The following ANXA4 variants were observed in gnomAD, a reference collection of about 807,000 sequenced individuals.
The protein encoded by ANXA4 is 35-beta calcimedin.
ANXA4 carries 39 observed loss-of-function variants against 49.8 expected under a neutral mutation model. The ratio of observed to expected loss-of-function variants is 0.78; its 90% CI spans 0.61 to 1.02. The LOEUF is 1.02. Ranked by LOEUF, ANXA4 falls within the 50% of genes least tolerant of loss-of-function variation. The pLI is 0.00. For missense variants in ANXA4, 360 were observed against 410.1 expected, an observed-to-expected ratio of 0.88 and a Z score of 1.05; for synonymous variants, 134 against 152.5, an observed-to-expected ratio of 0.88 and a Z score of 0.89.
At chr2:69,665,514 C>T (rs1676901683) in intron 2 of ANXA4, among the ~76,000 whole-genome samples, 2 of 152,130 alleles carry the variant, frequency 1.3e-5, no homozygotes, top group East Asian at 1.9e-4. Flanking sequence ...GAGTGAGACT[C>T]CACCCCAGAA....
At chr2:69,804,738 T>C (rs1405726400) in intron 4 of ANXA4, 111 bp downstream of exon 4, 2 of 946,340 alleles carry the variant, frequency 2.1e-6, no homozygotes, top group East Asian at 5.4e-5. Context: ...AGATCGATCC[T>C]TTGTCTTGTT....
Position 69,761,016 on chromosome 2 carries a change from T to A in ANXA4, c.-47+18841T>A, listed in dbSNP as rs1469129585. Among the ~76,000 whole-genome samples the A allele has an allele frequency of 9.4e-4, 142 of 150,596 alleles. 2 individuals carry two copies. The East Asian group carries it at 0.011, about 12-fold the overall frequency. On this transcript the variant is annotated intron_variant, in intron 1 of 12. Coordinates refer to ENST00000394295, the MANE Select transcript of ANXA4 (RefSeq NM_001153.5). ...GTCTCTATTAAATTAATTAATTAAT[T>A]AATTAATTAAAAAATAAATAAATAT... is the stretch of plus-strand genomic sequence containing the variant.
rs548189386 is a variant in ANXA4, at chr2:69,690,738, A to T, written n.767-30036A>T. Among the ~76,000 whole-genome samples the T allele has an allele frequency of 9.2e-5, 14 of 152,342 alleles. No individual in the cohort carries two copies. The South Asian group carries it at 2.9e-3, about 32-fold the overall frequency. On this transcript the variant is annotated intron_variant and non_coding_transcript_variant, in intron 2 of 3. Coordinates refer to the ANXA4 transcript ENST00000418066. ...ACAATGCATGCTGAGGAGTTCATTT[A>T]AAGGTAATTTCTGCAAAACCTTTAC... is the stretch of plus-strand genomic sequence containing the variant.
intron 3 of ANXA4, among the ~76,000 whole-genome samples, chr2:69,727,384 T>C (rs147289663): frequency 2.8e-4 from 43 of 152,330 alleles, no homozygotes; most frequent in African/African-American, 1.0e-3. Flanking sequence ...GTGTATAGAG[T>C]AGCAGTTGCT....
At chr2:69,652,688 GTC>G (rs1676296426) in intron 1 of ANXA4, among the ~76,000 whole-genome samples, 1 of 151,916 alleles carries the variant, frequency 6.6e-6, no homozygotes, top group Non-Finnish European at 1.5e-5. Flanking sequence ...GCGAAAACCC[GTC>G]TCTACTAAAA....
chr2:69,663,051 C>T (rs1318505300), intron 2 of ANXA4, among the ~76,000 whole-genome samples: 5 of 133,294 alleles, frequency 3.8e-5, no homozygotes, highest in South Asian at 2.4e-4. Flanking sequence ...GGAGTGCAGT[C>T]GCATGATCTC....
intron 2 of ANXA4, among the ~76,000 whole-genome samples, chr2:69,669,581 A>G (rs1307862485): frequency 1.3e-5 from 2 of 151,826 alleles, no homozygotes; most frequent in Non-Finnish European, 2.9e-5. Flanking sequence ...ACTGCACTCT[A>G]GCCTGGGCGA....
intron 2 of ANXA4, among the ~76,000 whole-genome samples, chr2:69,654,084 T>C (rs866556045): frequency 8.5e-5 from 13 of 152,200 alleles, no homozygotes; most frequent in Admixed American, 3.9e-4. Flanking sequence ...GGCTCTCTGT[T>C]TGTCTATTAT....
At chr2:69,821,094 C>T (rs762525232) in intron 12 of ANXA4, among the ~76,000 whole-genome samples, 3 of 152,218 alleles carry the variant, frequency 2.0e-5, no homozygotes, top group Non-Finnish European at 2.9e-5. Flanking sequence ...ACACAATTTC[C>T]TCGTCTACCT....
upstream of ANXA4, among the ~76,000 whole-genome samples, chr2:69,740,184 C>T (rs1222306982): frequency 1.3e-5 from 2 of 152,070 alleles, no homozygotes; most frequent in Non-Finnish European, 2.9e-5. Context: ...TTATTTTTTT[C>T]ATGTAGCTTA....
chr2:69,712,059 T>C (rs994371896), intron 2 of ANXA4, among the ~76,000 whole-genome samples: 1 of 152,112 alleles, frequency 6.6e-6, no homozygotes, highest in Non-Finnish European at 1.5e-5. Context: ...TGGTCTCTCC[T>C]TTTCCTGGGG....
intron 2 of ANXA4, among the ~76,000 whole-genome samples, chr2:69,719,891 G>A (rs1248518203): frequency 6.6e-6 from 1 of 152,202 alleles, no homozygotes; most frequent in East Asian, 1.9e-4. Context: ...CTCCCAAAGT[G>A]CTAGGATTAC....
intron 11 of ANXA4, among the ~76,000 whole-genome samples, chr2:69,820,179 G>T (rs1426790495): frequency 6.6e-6 from 1 of 150,528 alleles, no homozygotes; most frequent in East Asian, 1.9e-4. Context: ...ATTATAACAA[G>T]ACAGAATGTA....
intron 2 of ANXA4, among the ~76,000 whole-genome samples, chr2:69,702,824 T>C (rs1678374935): frequency 6.6e-6 from 1 of 152,222 alleles, no homozygotes; most frequent in African/African-American, 2.4e-5. Flanking sequence ...TATAAAACTA[T>C]AATCATATGT....
At chr2:69,780,266 C>T (rs535554087) in intron 1 of ANXA4, among the ~76,000 whole-genome samples, 1 of 152,300 alleles carries the variant, frequency 6.6e-6, no homozygotes, top group East Asian at 1.9e-4. Flanking sequence ...ATGATCTTGG[C>T]TCGCTGCAAC....
chr2:69,713,845 G>C lies in ANXA4; in HGVS notation n.767-6929G>C, dbSNP rs533470618. ...CCTTTCACAAAAAGAAAGAATGGGG[G>C]AAAAACGGTTATGCCTCAGCAGCTT... On this transcript the variant is annotated intron_variant and non_coding_transcript_variant, in intron 2 of 3. Coordinates refer to the ANXA4 transcript ENST00000418066. 3.3e-5 allele frequency: 5 copies of C among 152,348 alleles called. No homozygotes were observed. In the South Asian group the frequency reaches 1.0e-3, roughly 32 times the overall value. The allele number at this position is 152,348 out of a possible 1,614,324, so 9.4% of individuals were successfully genotyped here. A position where few individuals can be genotyped will look rare whatever the true frequency, so the allele number is the denominator to read the frequency against.
Position 69,807,964 on chromosome 2 carries a change from A to C in ANXA4, c.365A>C (p.Glu122Ala). 6.2e-7 allele frequency: 1 copy of C among 1,614,164 alleles called. No homozygotes were observed. The highest frequency in any genetic ancestry group is 8.5e-7 in the Non-Finnish European group (1 of 1,180,006). ...IEILASRTPE[E>A]IRRISQTYQQ... ...ATCCTGGCCTCCCGGACCCCTGAGG[A>C]GATCCGGCGCATAAGCCAAACCTAC... is the stretch of plus-strand genomic sequence containing the variant. The change falls in exon 6 of 13, where the codon GAG (glutamate) becomes GCG (alanine). Residue 122 changes from glutamate (E) to alanine (A), a missense_variant. Coordinates refer to ENST00000394295, the MANE Select transcript of ANXA4 (RefSeq NM_001153.5).
At position 69,805,046 on chromosome 2, in the gene ANXA4, C is replaced by CAAAAAAAAAA. The variant is rs60172949; in HGVS notation, c.192+436_192+445dup. The stretch of plus-strand genomic sequence containing the variant: ...TGGGCAACAGAGACAGACTCCATCT[C>CAAAAAAAAAA]AAAAAAAAAAAAAAAAAAAAAAAAA... On this transcript the variant is annotated intron_variant, in intron 4 of 12. Coordinates refer to ENST00000394295, the MANE Select transcript of ANXA4 (RefSeq NM_001153.5). 7.0e-4 allele frequency among the ~76,000 whole-genome samples: 25 copies of CAAAAAAAAAA among 35,874 alleles called. 3 individuals carry two copies. The highest frequency in any genetic ancestry group is 3.4e-3 in the East Asian group (3 of 882). 23.5% of individuals were successfully genotyped at this position (35,874 alleles called of 152,430 possible).
intron 3 of ANXA4, among the ~76,000 whole-genome samples, chr2:69,792,080 T>C (rs540346524): frequency 1.4e-4 from 22 of 152,336 alleles, no homozygotes; most frequent in African/African-American, 4.8e-4. Flanking sequence ...CTCTTCTAGA[T>C]GCTTCAGGGG....
Sources: gnomAD v4.1 joint callset for allele counts (sites outside exome capture counted in the v4.1 genomes callset) on GRCh38, gnomAD v4.1.1 for gene constraint, MANE v1.5 for transcripts, NCBI Gene and HGNC (gene_info 2026-07-23, HGNC 2026-07-21) for gene names.